WDR90: variants seen among roughly 807,000 people sequenced by gnomAD.
The protein encoded by WDR90 is WD repeat-containing protein 90.
Under a neutral mutation model 195.2 loss-of-function variants are expected in WDR90, and 238 were observed. The observed-to-expected ratio is 1.22, with a 90% CI of 1.10 to 1.36. The LOEUF (loss-of-function observed/expected upper bound fraction) is 1.36. Among genes scored for constraint, WDR90 ranks in the 40% most tolerant of loss-of-function variants. The probability of loss-of-function intolerance (pLI) is 0.00; values close to 1 mark genes in which losing one functional copy is unlikely to be tolerated. For missense variants in WDR90, 2,734 were observed against 2,439.5 expected (o/e 1.12, Z -2.54); for synonymous variants, 1,265 against 1,052.4 (o/e 1.20, Z -3.91).
intron 28 of WDR90, 46 bp from the exon 29 acceptor site, chr16:661,005 C>CT: frequency 8.1e-6 from 1 of 123,328 alleles, no homozygotes; most frequent in Non-Finnish European, 1.2e-5. Flanking sequence ...TCCCCGCCCC[C>CT]CCCCCCCCCC....
chr16:660,771 G>T (rs2037879812), intron 28 of WDR90, 57 bp downstream of exon 28: 10 of 1,506,108 alleles, frequency 6.6e-6, no homozygotes, highest in African/African-American at 1.4e-5. Flanking sequence ...GCGTGGTCCA[G>T]CCGTCTCCAC....
In WDR90 at chr16:661,944, C is replaced by T; in HGVS notation, c.3918C>T (p.Leu1306=). The change falls in exon 32 of 41, where the codon CTC becomes CTT. Residue 1306 remains leucine (L), a synonymous_variant. Transcript: ENST00000293879. ...TGGGGGCTGGAGAGCTGACCTCGCT[C>T]TGCTACGGGGCACCTCCCCTGCTCT... ...EAVGAGELTS[L]CYGAPPLLYC... 6.2e-7 allele frequency: 1 copy of T among 1,608,574 alleles called. No individual in the cohort carries two copies. Among genetic ancestry groups the T allele is most frequent in the Non-Finnish European group, 8.5e-7 (1 of 1,179,920 alleles).
chr16:660,782 C>G, intron 28 of WDR90, 68 bp downstream of exon 28: 1 of 1,481,494 alleles, frequency 6.7e-7, no homozygotes, highest in Non-Finnish European at 9.1e-7. Flanking sequence ...CCGTCTCCAC[C>G]CCAAGGCCAG....
intron 26 of WDR90, among the ~76,000 whole-genome samples, chr16:659,722 G>A (rs2037853125): frequency 1.3e-5 from 2 of 152,230 alleles, no homozygotes; most frequent in African/African-American, 4.8e-5. Flanking sequence ...GAGGCTGGCA[G>A]GGCTGGAGAC....
rs374016216 is a variant in WDR90 at position 651,768 on chromosome 16, A to G, written c.840+21A>G. On this transcript the variant is annotated intron_variant, in intron 8 of 40. Transcript: ENST00000293879. ...CAGCCGTGAGTACCCCCTTCGCCCT[A>G]TGAGATGGGGTTGGGGTGTGATGGC... 8.1e-6 allele frequency: 13 copies of G among 1,612,562 alleles called. No homozygotes were observed. In the African/African-American group the frequency reaches 1.1e-4, roughly 13 times the overall value.
chr16:660,731 T>C lies in WDR90; in HGVS notation c.3391+17T>C, dbSNP rs913573210. ...CGGACACAGGTGGGGGCCAAGAGCC[T>C]ACCCCCACCCCCAGCCAAGATGCGG... On this transcript the variant is annotated intron_variant, in intron 28 of 40. Coordinates refer to ENST00000293879, the MANE Select transcript of WDR90 (RefSeq NM_145294.5). The C allele has an allele frequency of 2.9e-5, 45 of 1,537,980 alleles. No individual in the cohort carries two copies. Among genetic ancestry groups the C allele is most frequent in the Admixed American group, 1.4e-4 (7 of 51,390 alleles).
At chr16:655,921 G>A (rs1402983328) in intron 17 of WDR90, 32 bp downstream of exon 17, 7 of 1,560,076 alleles carry the variant, frequency 4.5e-6, no homozygotes, top group African/African-American at 2.7e-5. Context: ...CCCAACTCCG[G>A]GAGAGCCTCG....
rs746465451 is a variant in WDR90, at chr16:651,811, A to G, written c.841-16A>G. On this transcript the variant is annotated splice_polypyrimidine_tract_variant and intron_variant, in intron 8 of 40. Coordinates refer to ENST00000293879, the MANE Select transcript of WDR90 (RefSeq NM_145294.5). ...GTGATGGCCCAGGACGCTGATGGGC[A>G]CTTGTCCCCCAGCAGTCCGGCCGGG... The G allele has an allele frequency of 7.4e-6, 12 of 1,611,236 alleles. No homozygotes were observed. The East Asian group carries it at 2.2e-4, about 30-fold the overall frequency.
chr16:660,084 GC>G lies in WDR90; in HGVS notation c.3215del (p.Pro1072HisfsTer39). ...DGARDTRNSG[A>X]PRTTYLASCK... ...CGCCAGGGACACCAGGAATTCGGGG[GC>G]CCCACGCACCACCTACCTGGCTTCC... On this transcript the variant is annotated frameshift_variant, in exon 27 of 41. Transcript: ENST00000293879. LOFTEE classifies it high-confidence loss of function. 1.3e-6 allele frequency: 2 copies of G among 1,546,924 alleles called. No homozygotes were observed.
intron 5 of WDR90, 97 bp downstream of exon 5, chr16:650,806 G>C (rs931753773): frequency 8.5e-6 from 13 of 1,522,086 alleles, no homozygotes; most frequent in Non-Finnish European, 1.2e-5. Flanking sequence ...TACAGTGCTC[G>C]AGCTGTGCTG....
Position 667,684 on chromosome 16 carries a change from A to G in WDR90, c.*95A>G. 1 of 1,550,142 alleles carries G rather than the reference A, an allele frequency of 6.5e-7. No individual in the cohort carries two copies. Among genetic ancestry groups the G allele is most frequent in the Non-Finnish European group, 8.7e-7 (1 of 1,147,410 alleles). ...GAGGCGCCAGGTTGTCAATGGCCTC[A>G]TGCTGGGACAGGCCAGGATTCACGT... On this transcript the variant is annotated 3_prime_UTR_variant, in exon 41 of 41. Transcript: ENST00000293879.
chr16:660,435 C>T (rs1022299204), intron 27 of WDR90, 177 bp from the exon 28 acceptor site: 7 of 694,564 alleles, frequency 1.0e-5, no homozygotes, highest in Non-Finnish European at 1.7e-5. Context: ...CTGTGCCCCT[C>T]CTGGCCCTGG....
chr16:649,913 C>T, intron 2 of WDR90, 59 bp downstream of exon 2: 1 of 1,593,514 alleles, frequency 6.3e-7, no homozygotes, highest in Admixed American at 1.7e-5. Flanking sequence ...AGGAGAGCTG[C>T]CCCGCCCCCG....
At chr16:649,882 C>G (rs540600367) in intron 2 of WDR90, 28 bp downstream of exon 2, 5 of 1,577,544 alleles carry the variant, frequency 3.2e-6, no homozygotes, top group Middle Eastern at 1.8e-4. Context: ...CGCCCGGAGC[C>G]CACACCCCTG....
chr16:649,636 G>A, intron 1 of WDR90, 127 bp from the exon 2 acceptor site: 1 of 1,178,300 alleles, frequency 8.5e-7, no homozygotes, highest in Non-Finnish European at 1.1e-6. Flanking sequence ...CCTAGCTGGC[G>A]TTGGCGTCGC....
Position 650,753 on chromosome 16 carries a change from C to T in WDR90, c.559+44C>T, listed in dbSNP as rs758898093. ...CTCCCCACTCCATATCTCACCCATG[C>T]TCTCAGCCCTGGAGAGGCCCAAGTC... On this transcript the variant is annotated intron_variant, in intron 5 of 40. Coordinates refer to ENST00000293879, the MANE Select transcript of WDR90 (RefSeq NM_145294.5). 6 of 1,589,578 alleles carry T rather than the reference C, an allele frequency of 3.8e-6. No homozygotes were observed. In the East Asian group the frequency reaches 1.1e-4, roughly 30 times the overall value.
chr16:650,837 C>A, intron 5 of WDR90, 128 bp downstream of exon 5: 1 of 1,484,476 alleles, frequency 6.7e-7, no homozygotes, highest in East Asian at 2.3e-5. Flanking sequence ...CTGGCCAGAA[C>A]CCATCCCAGA....
rs1293744116 is a variant in WDR90, at chr16:649,749, C to T, written c.11-14C>T. The T allele has an allele frequency of 6.5e-7, 1 of 1,548,638 alleles. No homozygotes were observed. The highest frequency in any genetic ancestry group is 2.5e-5 in the East Asian group (1 of 40,722). On this transcript the variant is annotated splice_polypyrimidine_tract_variant and intron_variant, in intron 1 of 40. Coordinates refer to ENST00000293879, the MANE Select transcript of WDR90 (RefSeq NM_145294.5). ...TGGCCGAGTCCCCTGACGCCCGGCG[C>T]CCGCTCCCCGCAGCGTGGCAGCACC...
rs753672466 is a variant in WDR90 at position 650,582 on chromosome 16, G to A, written c.432G>A (p.Leu144=). 4 of 1,612,394 alleles carry A rather than the reference G, an allele frequency of 2.5e-6. No individual in the cohort carries two copies. In the East Asian group the frequency reaches 8.9e-5, roughly 36 times the overall value. The change falls in exon 5 of 41, where the codon CTG becomes CTA. Residue 144 remains leucine, a synonymous_variant. Transcript: ENST00000293879. Reference sequence around the variant, plus strand: ...CCTCCGGAGCCCGCTGGACCTGCCTGCAGCTCGATCTGCAGGACGTTCTCC... The same window carrying A: ...CCTCCGGAGCCCGCTGGACCTGCCTACAGCTCGATCTGCAGGACGTTCTCC... The part of the protein sequence containing the change: ...LAPSGARWTC[L]QLDLQDVLLV...
Sources: gnomAD v4.1 joint callset for allele counts (sites outside exome capture counted in the v4.1 genomes callset) on GRCh38, gnomAD v4.1.1 for gene constraint, MANE v1.5 for transcripts, NCBI Gene and HGNC (gene_info 2026-07-23, HGNC 2026-07-21) for gene names.